The following PCDH11X variants were observed in gnomAD, a reference collection of about 807,000 sequenced individuals.
PCDH11X encodes the protein protocadherin 11 X-linked.
A neutral mutation model predicts 53.3 loss-of-function variants in PCDH11X; 18 were observed. The observed-to-expected ratio is 0.34, with a 90% CI of 0.23 to 0.50. PCDH11X has a LOEUF of 0.50. Among genes scored for constraint, PCDH11X ranks in the 20% least tolerant of loss-of-function variants. PCDH11X has a pLI of 0.98. For synonymous variants in PCDH11X, 279 were observed against 393.3 expected, an observed-to-expected ratio of 0.71 and a Z score of 3.44; for missense variants, 570 against 1,032.4, an observed-to-expected ratio of 0.55 and a Z score of 6.14.
intron 6 of PCDH11X, among the ~76,000 whole-genome samples, chrX:91,946,557 T>TCA (rs2061574291): frequency 2.6e-5 from 1 of 38,855 alleles, no homozygotes; most frequent in Non-Finnish European, 4.6e-5. Context: ...CCTGTTTCCC[T>TCA]CATATATATA....
chrX:91,886,668 G>C (rs1380920710), intron 6 of PCDH11X, among the ~76,000 whole-genome samples: 4 of 107,683 alleles, frequency 3.7e-5, no homozygotes, highest in Non-Finnish European at 7.6e-5. Context: ...TCCACATTAT[G>C]AATAAAAATA....
chrX:91,876,915 C>T lies in PCDH11X; in HGVS notation c.675C>T (p.Gly225=), dbSNP rs1569422327. The T allele has an allele frequency of 1.7e-5, 20 of 1,211,033 alleles. No homozygotes were observed. The highest frequency in any genetic ancestry group is 2.2e-5 in the Non-Finnish European group (20 of 895,327). The change falls in exon 6 of 11, where the codon GGC becomes GGT. Residue 225 remains glycine, a synonymous_variant. Transcript: ENST00000682573. ...TGAAAGTAAAGGTTGAAGATGGTGG[C>T]TTTCCTCAAAGATCCAGTACTGCTA... The part of the protein sequence containing the change: ...YVMKVKVEDG[G]FPQRSSTAIL...
chrX:91,788,412 A>T (rs370118882), intron 1 of PCDH11X, among the ~76,000 whole-genome samples: 10 of 112,233 alleles, frequency 8.9e-5, no homozygotes, highest in African/African-American at 1.3e-4. Flanking sequence ...TAAGTATTTT[A>T]TTTTTTTTAA....
rs749953271 is a variant in PCDH11X at position 92,110,614 on chromosome X, A to G, written c.3034-90761A>G. Among the ~76,000 whole-genome samples the G allele has an allele frequency of 2.7e-5, 3 of 111,644 alleles. No individual in the cohort carries two copies. The East Asian group carries it at 8.5e-4, about 32-fold the overall frequency. ...GACAAAATGGGGAAGGGGAACAATC[A>G]GCTATGCATTTTTGTCTGGCAGGCT... On this transcript the variant is annotated intron_variant, in intron 6 of 10. Transcript: ENST00000682573.
chrX:92,444,447 G>A (rs2072586732), intron 9 of PCDH11X, among the ~76,000 whole-genome samples: 1 of 97,405 alleles, frequency 1.0e-5, no homozygotes, highest in African/African-American at 3.8e-5. Flanking sequence ...AGTCTTTAGG[G>A]TTTTCTAAAT....
chrX:92,429,855 A>G (rs1209649190), intron 9 of PCDH11X, among the ~76,000 whole-genome samples: 8 of 95,728 alleles, frequency 8.4e-5, no homozygotes, highest in Non-Finnish European at 1.5e-4. Flanking sequence ...TTCCAATATA[A>G]GTTTTCTTAA....
intron 8 of PCDH11X, among the ~76,000 whole-genome samples, chrX:92,366,423 A>T (rs2070474630): frequency 9.1e-6 from 1 of 110,475 alleles, no homozygotes; most frequent in African/African-American, 3.3e-5. Context: ...TTTTTAAAAA[A>T]ATCTTTTCAT....
chrX:92,229,006 G>C (rs1037193779), intron 7 of PCDH11X, among the ~76,000 whole-genome samples: 17 of 111,455 alleles, frequency 1.5e-4, no homozygotes, highest in African/African-American at 5.5e-4. Flanking sequence ...GTCTTAGATT[G>C]GGAGAAAAGA....
intron 1 of PCDH11X, among the ~76,000 whole-genome samples, chrX:91,799,982 G>C (rs1319246829): frequency 4.5e-5 from 5 of 112,138 alleles, no homozygotes; most frequent in Non-Finnish European, 7.5e-5. Flanking sequence ...CCACGTACTC[G>C]GGAGGCTGAG....
At chrX:92,250,595 G>GTATATACA (rs2067438989) in intron 7 of PCDH11X, among the ~76,000 whole-genome samples, 1 of 99,511 alleles carries the variant, frequency 1.0e-5, no homozygotes, top group Admixed American at 1.1e-4. Context: ...ATGTGTGTAT[G>GTATATACA]TATATATATA....
chrX:92,345,688 A>G (rs1014368188), intron 8 of PCDH11X, among the ~76,000 whole-genome samples: 5 of 111,286 alleles, frequency 4.5e-5, no homozygotes, highest in Non-Finnish European at 7.6e-5. Flanking sequence ...TTGTCTTGAT[A>G]GTTATTTTTT....
intron 7 of PCDH11X, among the ~76,000 whole-genome samples, chrX:92,257,847 G>A (rs1024757837): frequency 8.9e-5 from 10 of 111,940 alleles, no homozygotes; most frequent in Non-Finnish European, 1.7e-4. Context: ...TCCAGGCACA[G>A]GGTACAAGCT....
intron 8 of PCDH11X, among the ~76,000 whole-genome samples, chrX:92,359,882 T>C (rs1024869499): frequency 9.0e-6 from 1 of 110,585 alleles, no homozygotes; most frequent in African/African-American, 3.3e-5. Flanking sequence ...ATGAAAATAA[T>C]AGTAATTTTA....
chrX:91,931,127 G>GGT (rs199653186), intron 6 of PCDH11X, among the ~76,000 whole-genome samples: 10,198 of 98,723 alleles, frequency 0.1, 570 homozygotes, highest in African/African-American at 0.18. Flanking sequence ...AAGCTTTAGT[G>GGT]GTGTGTGTGT....
At chrX:91,800,720 T>C (rs932694621) in intron 1 of PCDH11X, among the ~76,000 whole-genome samples, 2 of 111,432 alleles carry the variant, frequency 1.8e-5, no homozygotes, top group Non-Finnish European at 3.8e-5. Flanking sequence ...ACTGCTATCA[T>C]TGACTTTGGA....
chrX:92,620,798 TG>T lies in PCDH11X; in HGVS notation c.*1859del, dbSNP rs1467346742. On this transcript the variant is annotated 3_prime_UTR_variant, in exon 11 of 11. Coordinates refer to ENST00000682573, the MANE Select transcript of PCDH11X (RefSeq NM_032968.5). ...GAGTTTGATTAATAAAATTAATTAA[TG>T]TTTTTTCTCCTTCGTGTTGTTAATG... 8.3e-5 allele frequency: 9 copies of T among 108,911 alleles called. No homozygotes were observed. Among genetic ancestry groups the T allele is most frequent in the Admixed American group, 3.0e-4 (3 of 10,121 alleles). The allele number at this position is 108,911 out of a possible 1,213,427, so 9.0% of individuals were successfully genotyped here.
chrX:92,593,836 G>T (rs1371048164), intron 10 of PCDH11X, among the ~76,000 whole-genome samples: 4 of 103,852 alleles, frequency 3.9e-5, no homozygotes, highest in Non-Finnish European at 5.9e-5. Context: ...ATTGTAAAGA[G>T]TTATAAGAGG....
At position 91,966,766 on chromosome X, in the gene PCDH11X, A is replaced by T. The variant is rs1242626692; in HGVS notation, c.3033+87493A>T. Among the ~76,000 whole-genome samples, 4 of 111,936 alleles carry T rather than the reference A, an allele frequency of 3.6e-5. No individual in the cohort carries two copies. The Middle Eastern group carries it at 0.014, about 389-fold the overall frequency. On this transcript the variant is annotated intron_variant, in intron 6 of 10. Transcript: ENST00000682573. ...TTTAAAATAAATTTTATTGCATAAA[A>T]AAAAGAATAGTTTGTTGGGTGAAAG...
chrX:92,405,086 G>A lies in PCDH11X; in HGVS notation c.3343+17153G>A, dbSNP rs191073402. 2.3e-3 allele frequency among the ~76,000 whole-genome samples: 222 copies of A among 95,860 alleles called. 27 individuals are homozygous for A. Among genetic ancestry groups the A allele is most frequent in the African/African-American group, 9.1e-3 (221 of 24,295 alleles). 83.2% of individuals were successfully genotyped at this position (95,860 alleles called of 115,157 possible). A position where few individuals can be genotyped will look rare whatever the true frequency, so the allele number is the denominator to read the frequency against. On this transcript the variant is annotated intron_variant, in intron 9 of 10. Coordinates refer to ENST00000682573, the MANE Select transcript of PCDH11X (RefSeq NM_032968.5). ...TGGTTGGGGGTTGTGACTTGAGGAAGTACATATTCATGCGCCATCAGGTTT... is the reference window on the plus strand; with the variant it reads ...TGGTTGGGGGTTGTGACTTGAGGAAATACATATTCATGCGCCATCAGGTTT...
Sources: gnomAD v4.1 joint callset for allele counts (sites outside exome capture counted in the v4.1 genomes callset) on GRCh38, gnomAD v4.1.1 for gene constraint, MANE v1.5 for transcripts, NCBI Gene and HGNC (gene_info 2026-07-23, HGNC 2026-07-21) for gene names.